Variants in AKAP7 observed in about 807,000 individuals in gnomAD.
AKAP7 encodes the protein A-kinase anchoring protein 7.
AKAP7 carries 39 observed loss-of-function variants against 39.5 expected under a neutral mutation model. That is an observed-to-expected ratio of 0.99 (90% CI 0.76 to 1.29). The LOEUF (loss-of-function observed/expected upper bound fraction) is 1.29, where lower values mean the gene tolerates loss of function less well. AKAP7 is among the 50% of genes most tolerant of loss of function. AKAP7 has a pLI of 0.00. For synonymous variants in AKAP7, 140 were observed against 139.1 expected (o/e 1.01, Z -0.05); for missense variants, 414 against 407.7 (o/e 1.02, Z -0.13).
intron 1 of AKAP7, among the ~76,000 whole-genome samples, chr6:131,141,400 A>C (rs972123324): frequency 6.6e-6 from 1 of 152,236 alleles, no homozygotes; most frequent in African/African-American, 2.4e-5. Context: ...CACCAGAAGC[A>C]GATGCTGGTA....
intron 7 of AKAP7, among the ~76,000 whole-genome samples, chr6:131,279,580 TG>T (rs1815041786): frequency 6.6e-6 from 1 of 152,192 alleles, no homozygotes; most frequent in Non-Finnish European, 1.5e-5. Flanking sequence ...ATTAGCTTTT[TG>T]TAGGAAGATT....
At chr6:131,269,229 A>G (rs1427392874) in intron 7 of AKAP7, among the ~76,000 whole-genome samples, 1 of 152,054 alleles carries the variant, frequency 6.6e-6, no homozygotes, top group African/African-American at 2.4e-5. Context: ...CGCCTGGCTA[A>G]TTTTTGTATT....
At chr6:131,235,096 C>T (rs968274799) in intron 7 of AKAP7, among the ~76,000 whole-genome samples, 2 of 151,996 alleles carry the variant, frequency 1.3e-5, no homozygotes, top group Non-Finnish European at 2.9e-5. Flanking sequence ...TGTGATGTTC[C>T]CCTTCCTGTG....
chr6:131,175,912 G>C (rs147571073), intron 5 of AKAP7, among the ~76,000 whole-genome samples: 24 of 152,104 alleles, frequency 1.6e-4, no homozygotes, highest in African/African-American at 5.1e-4. Flanking sequence ...ATCAAACATA[G>C]CATAAAAATA....
intron 5 of AKAP7, among the ~76,000 whole-genome samples, chr6:131,176,967 C>T (rs1015097728): frequency 3.3e-5 from 5 of 152,198 alleles, no homozygotes; most frequent in African/African-American, 7.2e-5. Flanking sequence ...CACAGACCTG[C>T]ACCATTGAGG....
chr6:131,133,717 A>G (rs749366786), upstream of AKAP7, among the ~76,000 whole-genome samples: 1 of 152,228 alleles, frequency 6.6e-6, no homozygotes, highest in Non-Finnish European at 1.5e-5. Context: ...TTGACAAAAG[A>G]CAGATTAAGA....
At chr6:131,159,352 C>T (rs1182617552) in intron 2 of AKAP7, among the ~76,000 whole-genome samples, 1 of 152,078 alleles carries the variant, frequency 6.6e-6, no homozygotes, top group Admixed American at 6.5e-5. Context: ...CTCGGCCTCC[C>T]AAAGTGCTGG....
At chr6:131,226,142 T>C (rs1042833026) in intron 7 of AKAP7, among the ~76,000 whole-genome samples, 9 of 152,222 alleles carry the variant, frequency 5.9e-5, no homozygotes, top group African/African-American at 2.2e-4. Context: ...ATCATCCCAC[T>C]TACCCTGTTG....
intron 5 of AKAP7, chr6:131,185,125 A>G: frequency 1.6e-6 from 1 of 624,438 alleles, no homozygotes; most frequent in Admixed American, 1.9e-5. Flanking sequence ...TCAGTGTGCA[A>G]CAGAACCTCT....
At chr6:131,155,777 G>C (rs933291610) in intron 2 of AKAP7, among the ~76,000 whole-genome samples, 1 of 152,150 alleles carries the variant, frequency 6.6e-6, no homozygotes, top group Non-Finnish European at 1.5e-5. Context: ...AAGCATATTT[G>C]ATGTATTTAA....
At chr6:131,154,821 T>G (rs1802273871) in intron 2 of AKAP7, among the ~76,000 whole-genome samples, 1 of 152,116 alleles carries the variant, frequency 6.6e-6, no homozygotes, top group South Asian at 2.1e-4. Flanking sequence ...ATCTCTTGAG[T>G]CTCTTTTCAT....
At chr6:131,185,249 T>C (rs1805719177) in intron 5 of AKAP7, 4 of 467,764 alleles carry the variant, frequency 8.6e-6, no homozygotes, top group South Asian at 7.5e-5. Flanking sequence ...CTCACCGCTT[T>C]TTCCGCCAGT....
At chr6:131,150,159 T>G (rs1801802171) in intron 2 of AKAP7, among the ~76,000 whole-genome samples, 1 of 152,306 alleles carries the variant, frequency 6.6e-6, no homozygotes, top group East Asian at 1.9e-4. Context: ...TTTCTTTTTT[T>G]TGTGTGTCAT....
intron 7 of AKAP7, chr6:131,250,536 G>A: frequency 1.2e-6 from 2 of 1,613,874 alleles, no homozygotes; most frequent in South Asian, 2.2e-5. Flanking sequence ...TCACGGAGAA[G>A]AACACCAGGA....
At chr6:131,215,068 C>T (rs899304415) in intron 6 of AKAP7, among the ~76,000 whole-genome samples, 7 of 151,964 alleles carry the variant, frequency 4.6e-5, no homozygotes, top group African/African-American at 1.7e-4. Flanking sequence ...ATAGTAAATG[C>T]TTTATATTTT....
chr6:131,235,045 A>G lies in AKAP7; in HGVS notation c.850+15237A>G, dbSNP rs371200779. Among the ~76,000 whole-genome samples, 5 of 152,132 alleles carry G rather than the reference A, an allele frequency of 3.3e-5. No homozygotes were observed. The South Asian group carries it at 8.3e-4, about 25-fold the overall frequency. ...AACATTAGGTATATCTCCTAATGCT[A>G]TCCCTCCCCCACTCCTCCCACCCCA... On this transcript the variant is annotated intron_variant, in intron 7 of 7. Transcript: ENST00000431975.
At chr6:131,150,833 A>C (rs1387698395) in intron 2 of AKAP7, among the ~76,000 whole-genome samples, 2 of 152,212 alleles carry the variant, frequency 1.3e-5, no homozygotes, top group African/African-American at 2.4e-5. Context: ...TGTTGGAAAG[A>C]TTCAATTCCT....
chr6:131,272,589 C>T (rs1010511623), intron 7 of AKAP7, among the ~76,000 whole-genome samples: 2 of 152,014 alleles, frequency 1.3e-5, no homozygotes, highest in African/African-American at 4.8e-5. Flanking sequence ...TTTCTAATTC[C>T]TCTTGATTTC....
upstream of AKAP7, among the ~76,000 whole-genome samples, chr6:131,131,139 T>A (rs866112236): frequency 6.6e-6 from 1 of 152,062 alleles, no homozygotes; most frequent in South Asian, 2.1e-4. Context: ...TTTAACAGGG[T>A]CTTATGAACC....
Sources: allele counts gnomAD v4.1 joint callset (sites outside exome capture counted in the v4.1 genomes callset), GRCh38; gene constraint gnomAD v4.1.1; transcripts MANE v1.5; gene names NCBI Gene and HGNC (gene_info 2026-07-23, HGNC 2026-07-21).